AHSA1: variants seen among roughly 807,000 people sequenced by gnomAD.
AHSA1 encodes the protein activator of HSP90 ATPase activity 1, also known as activator of 90 kDa heat shock protein ATPase homolog 1.
In AHSA1, 14 loss-of-function variants were observed where a neutral mutation model predicts 46.1. The ratio of observed to expected loss-of-function variants is 0.30; its 90% CI spans 0.20 to 0.47. The LOEUF is 0.47. Ranked by LOEUF, AHSA1 falls within the 20% of genes least tolerant of loss-of-function variation. AHSA1 has a pLI of 0.99. For synonymous variants in AHSA1, 147 were observed against 145.8 expected (o/e 1.01, Z -0.06); for missense variants, 333 against 415.9 (o/e 0.80, Z 1.73).
intron 2 of AHSA1, 28 bp downstream of exon 2, chr14:77,459,834 A>AT (rs1281137669): frequency 1.9e-6 from 3 of 1,611,676 alleles, no homozygotes; most frequent in Non-Finnish European, 2.5e-6. Context: ...TGTCAGAGAG[A>AT]TTAACTGTGT....
chr14:77,468,975 T>C (rs761725015), intron 8 of AHSA1, 102 bp from the exon 9 acceptor site: 4 of 1,366,588 alleles, frequency 2.9e-6, no homozygotes, highest in Non-Finnish European at 4.1e-6. Context: ...GCCAAAGTGC[T>C]GGGATTACAG....
intron 3 of AHSA1, 78 bp from the exon 4 acceptor site, chr14:77,462,564 C>G (rs2079030370): frequency 1.5e-6 from 2 of 1,310,230 alleles, no homozygotes; most frequent in Admixed American, 1.7e-5. Flanking sequence ...CAGCAGTCAC[C>G]TGATTGCTCA....
chr14:77,463,123 T>C (rs990007085), intron 4 of AHSA1: 1 of 208,870 alleles, frequency 4.8e-6, no homozygotes, highest in Non-Finnish European at 1.0e-5. Flanking sequence ...CTACAAAAAA[T>C]ACAAAAATTA....
chr14:77,461,722 C>T (rs1468721942), intron 2 of AHSA1, among the ~76,000 whole-genome samples: 1 of 152,098 alleles, frequency 6.6e-6, no homozygotes, highest in Non-Finnish European at 1.5e-5. Flanking sequence ...TCCTGTGTAG[C>T]TGGGTGAGGC....
intron 2 of AHSA1, among the ~76,000 whole-genome samples, chr14:77,461,871 A>AACT (rs1439396431): frequency 3.3e-5 from 5 of 152,368 alleles, no homozygotes; most frequent in African/African-American, 1.2e-4. Flanking sequence ...ATTCTAGCAG[A>AACT]ACTACTGGCT....
chr14:77,464,144 C>T (rs1276854471), intron 4 of AHSA1, among the ~76,000 whole-genome samples: 3 of 152,100 alleles, frequency 2.0e-5, no homozygotes, highest in Non-Finnish European at 4.4e-5. Flanking sequence ...TTTTGGAGGC[C>T]GAGGCTAGTA....
At chr14:77,460,897 C>T (rs1020477127) in intron 2 of AHSA1, among the ~76,000 whole-genome samples, 6 of 151,672 alleles carry the variant, frequency 4.0e-5, no homozygotes, top group Non-Finnish European at 8.8e-5. Flanking sequence ...TGGTGGCTAA[C>T]GCCTGTAATC....
chr14:77,459,715 A>G lies in AHSA1; in HGVS notation c.180A>G (p.Glu60=). 1 of 1,614,218 alleles carries G rather than the reference A, an allele frequency of 6.2e-7. No individual in the cohort carries two copies. Among genetic ancestry groups the G allele is most frequent in the Non-Finnish European group, 8.5e-7 (1 of 1,180,036 alleles). ...AAGAAGGCAAGTGTGAGGTGACGGA[A>G]GTGAGTAAGCTTGATGGAGAGGCAT... ...QNEEGKCEVT[E]VSKLDGEASI... Residue 60 remains glutamate (E), a synonymous_variant, in exon 2 of 9, where the codon GAA becomes GAG. Coordinates refer to ENST00000216479, the MANE Select transcript of AHSA1 (RefSeq NM_012111.3).
intron 2 of AHSA1, chr14:77,460,019 C>T: frequency 1.7e-6 from 1 of 591,640 alleles, no homozygotes; most frequent in Non-Finnish European, 3.0e-6. Context: ...TCATAAGTCC[C>T]ATCCATGAAG....
At chr14:77,458,291 C>T (rs1343130625) in intron 1 of AHSA1, 22 bp downstream of exon 1, 12 of 1,540,384 alleles carry the variant, frequency 7.8e-6, no homozygotes, top group Admixed American at 4.1e-5. Flanking sequence ...AAAAGCAGGC[C>T]GGCCTTGGGA....
In AHSA1 at chr14:77,458,122, G is replaced by C. The variant is rs948089437; in HGVS notation, c.-68G>C. On this transcript the variant is annotated 5_prime_UTR_variant, in exon 1 of 9. Transcript: ENST00000216479. ...GTTTCCAGGCGCTGCCGGGCGGCTG[G>C]CACTAAGCGGTCCTGAGGCTGTGGC... 1.3e-5 allele frequency: 18 copies of C among 1,383,858 alleles called. No homozygotes were observed. The highest frequency in any genetic ancestry group is 1.6e-5 in the Non-Finnish European group (17 of 1,049,922). The allele number at this position is 1,383,858 out of a possible 1,614,324, so 85.7% of individuals were successfully genotyped here. A position where few individuals can be genotyped will look rare whatever the true frequency, so the allele number is the denominator to read the frequency against.
chr14:77,464,799 C>A, intron 5 of AHSA1, 113 bp downstream of exon 5: 1 of 861,510 alleles, frequency 1.2e-6, no homozygotes, highest in Non-Finnish European at 1.8e-6. Context: ...GACCAGCCTG[C>A]GATCTGCTCA....
intron 6 of AHSA1, chr14:77,466,385 C>T: frequency 6.4e-6 from 1 of 157,160 alleles, no homozygotes. Context: ...CTTTGTGTTG[C>T]ACAGCTGACT....
At chr14:77,462,564 C>A in intron 3 of AHSA1, 78 bp from the exon 4 acceptor site, 5 of 1,310,350 alleles carry the variant, frequency 3.8e-6, no homozygotes, top group Non-Finnish European at 5.5e-6. Flanking sequence ...CAGCAGTCAC[C>A]TGATTGCTCA....
At chr14:77,461,864 C>G (rs1329194513) in intron 2 of AHSA1, among the ~76,000 whole-genome samples, 1 of 152,222 alleles carries the variant, frequency 6.6e-6, no homozygotes, top group Non-Finnish European at 1.5e-5. Context: ...AACAAGTATT[C>G]TAGCAGAACT....
chr14:77,468,587 C>G (rs769122204), intron 8 of AHSA1, 79 bp downstream of exon 8: 2 of 1,098,804 alleles, frequency 1.8e-6, no homozygotes, highest in Non-Finnish European at 2.6e-6. Flanking sequence ...TTTTTGGAAA[C>G]AGGGTCTCAC....
chr14:77,457,894 A>C, upstream of AHSA1: 1 of 495,016 alleles, frequency 2.0e-6, no homozygotes, highest in Non-Finnish European at 3.5e-6. Flanking sequence ...ATGGGTGAGG[A>C]ATGGTTGTAT....
chr14:77,462,499 C>T (rs1220908074), intron 3 of AHSA1, 143 bp from the exon 4 acceptor site: 1 of 824,894 alleles, frequency 1.2e-6, no homozygotes. Flanking sequence ...CAAGAAGGAA[C>T]ACTAATGGGG....
At chr14:77,468,693 G>T (rs1157708431) in intron 8 of AHSA1, 185 bp downstream of exon 8, 14 of 536,910 alleles carry the variant, frequency 2.6e-5, no homozygotes, top group Non-Finnish European at 4.6e-5. Flanking sequence ...TTCCCAAGTA[G>T]CTGAGACTAC....
Sources: allele counts gnomAD v4.1 joint callset (sites outside exome capture counted in the v4.1 genomes callset), GRCh38; gene constraint gnomAD v4.1.1; transcripts MANE v1.5; gene names NCBI Gene and HGNC (gene_info 2026-07-23, HGNC 2026-07-21).